The following MEF2C variants were observed in gnomAD, a reference collection of about 807,000 sequenced individuals.
MEF2C encodes myocyte enhancer factor 2C, also known as myocyte-specific enhancer factor 2C.
A neutral mutation model predicts 50.5 loss-of-function variants in MEF2C; 6 were observed. The observed-to-expected ratio is 0.12, with a 90% CI of 0.07 to 0.23. The LOEUF is 0.23. Among genes scored for constraint, MEF2C ranks in the 10% least tolerant of loss-of-function variants. The pLI is 1.00. For missense variants in MEF2C, 276 were observed against 605.0 expected, an observed-to-expected ratio of 0.46 and a Z score of 5.70; for synonymous variants, 183 against 228.0, an observed-to-expected ratio of 0.80 and a Z score of 1.78.
At chr5:88,766,546 C>T (rs1780146565) in intron 3 of MEF2C, 1 of 710,544 alleles carries the variant, frequency 1.4e-6, no homozygotes, top group African/African-American at 1.9e-5. Flanking sequence ...AGAGAACCAC[C>T]ATCACAGACT....
rs541292745 is a variant in MEF2C, at chr5:88,793,503, G to A, written c.258+11095C>T. ...GGCATTTCATAGCATATAACACAGA[G>A]CAGGAATTCAACAAATTTTTGTTCA... On this transcript the variant is annotated intron_variant, in intron 3 of 10. Coordinates refer to ENST00000504921, the MANE Select transcript of MEF2C (RefSeq NM_002397.5). Among the ~76,000 whole-genome samples the A allele has an allele frequency of 2.0e-5, 3 of 152,142 alleles. No individual in the cohort carries two copies. In the East Asian group the frequency reaches 5.8e-4, roughly 29 times the overall value.
At position 88,869,314 on chromosome 5, in the gene MEF2C, T is replaced by C. The variant is rs903485355; in HGVS notation, c.-143+13641A>G. Among the ~76,000 whole-genome samples, 42 of 94,636 alleles carry C rather than the reference T, an allele frequency of 4.4e-4. 1 individual carries two copies. In the South Asian group the frequency reaches 5.0e-3, roughly 11 times the overall value. The allele number at this position is 94,636 out of a possible 152,430, so 62.1% of individuals were successfully genotyped here. ...ATATATACACATATATATATATATA[T>C]ACACATATAGCTTCATTTGTACAAA... is the stretch of plus-strand genomic sequence containing the variant. On this transcript the variant is annotated intron_variant, in intron 1 of 10. Transcript: ENST00000504921.
rs150055694 is a variant in MEF2C, at chr5:88,800,200, A to C, written c.258+4398T>G. On this transcript the variant is annotated intron_variant, in intron 3 of 10. Transcript: ENST00000504921. The stretch of plus-strand genomic sequence containing the variant: ...TCCCATAAGGATTTTGTGGTTACAA[A>C]ACGTGCTGGATATGGAGGTAACCTG... 4.0e-4 allele frequency among the ~76,000 whole-genome samples: 61 copies of C among 152,196 alleles called. No individual in the cohort carries two copies. The East Asian group carries it at 0.011, about 27-fold the overall frequency.
chr5:88,783,468 A>T (rs1249407665), intron 3 of MEF2C, among the ~76,000 whole-genome samples: 1 of 151,986 alleles, frequency 6.6e-6, no homozygotes, highest in Non-Finnish European at 1.5e-5. Context: ...GTCTCTACTA[A>T]AAATACAAAA....
intron 1 of MEF2C, chr5:88,839,128 A>G (rs1229616732): frequency 1.3e-5 from 2 of 152,184 alleles, no homozygotes; most frequent in Non-Finnish European, 2.9e-5. Context: ...ATGAGGAAGT[A>G]ATCGTGTGTG....
intron 3 of MEF2C, among the ~76,000 whole-genome samples, chr5:88,778,042 C>A (rs1191232193): frequency 1.3e-5 from 2 of 151,274 alleles, no homozygotes; most frequent in African/African-American, 4.9e-5. Context: ...GTAGCTGGGA[C>A]TACAGATGCC....
Position 88,813,698 on chromosome 5 carries a change from C to T in MEF2C, c.55-8897G>A, listed in dbSNP as rs577972835. On this transcript the variant is annotated intron_variant, in intron 2 of 10. Coordinates refer to ENST00000504921, the MANE Select transcript of MEF2C (RefSeq NM_002397.5). ...GTCCCAAATACTTCTTTCCACCAAA[C>T]ACAATATTTTTAGCCTAATCTTAAT... Among the ~76,000 whole-genome samples, 40 of 152,202 alleles carry T rather than the reference C, an allele frequency of 2.6e-4. No homozygotes were observed. In the South Asian group the frequency reaches 8.3e-3, roughly 32 times the overall value.
At chr5:88,831,920 G>A (rs1419134188) in intron 1 of MEF2C, among the ~76,000 whole-genome samples, 1 of 152,094 alleles carries the variant, frequency 6.6e-6, no homozygotes, top group East Asian at 1.9e-4. Context: ...ATCATTAAAT[G>A]ATCCCAACTG....
intron 1 of MEF2C, among the ~76,000 whole-genome samples, chr5:88,847,987 G>C (rs1441988228): frequency 6.6e-6 from 1 of 152,038 alleles, no homozygotes; most frequent in Non-Finnish European, 1.5e-5. Flanking sequence ...CACTTATAAA[G>C]TACATAACTA....
chr5:88,843,805 CTT>C (rs35382083), intron 1 of MEF2C, among the ~76,000 whole-genome samples: 95 of 129,840 alleles, frequency 7.3e-4, no homozygotes, highest in African/African-American at 1.0e-3. Flanking sequence ...TCCTGTGAAA[CTT>C]TTTTTTTTTT....
At chr5:88,873,671 TACTC>T (rs1276421039) in intron 1 of MEF2C, among the ~76,000 whole-genome samples, 1 of 149,092 alleles carries the variant, frequency 6.7e-6, no homozygotes, top group Non-Finnish European at 1.5e-5. Flanking sequence ...CTGAGTATCT[TACTC>T]AGCCTTCTGC....
chr5:88,855,075 C>T (rs1332127185), intron 1 of MEF2C, among the ~76,000 whole-genome samples: 3 of 152,156 alleles, frequency 2.0e-5, no homozygotes, highest in Non-Finnish European at 4.4e-5. Flanking sequence ...TGCTGGACCC[C>T]GTGCTGTCCT....
At chr5:88,863,581 T>C (rs1255402994) in intron 1 of MEF2C, among the ~76,000 whole-genome samples, 2 of 152,208 alleles carry the variant, frequency 1.3e-5, no homozygotes, top group Non-Finnish European at 2.9e-5. Context: ...CCAGAACTTA[T>C]TCCTCCTCCT....
At chr5:88,876,702 G>T (rs953776089) in intron 1 of MEF2C, among the ~76,000 whole-genome samples, 1 of 151,882 alleles carries the variant, frequency 6.6e-6, no homozygotes, top group Non-Finnish European at 1.5e-5. Context: ...CTTCTAACTT[G>T]CTGAAAGAAT....
intron 1 of MEF2C, among the ~76,000 whole-genome samples, chr5:88,863,828 T>TC (rs1826329217): frequency 1.3e-5 from 2 of 151,382 alleles, no homozygotes; most frequent in East Asian, 1.9e-4. Context: ...CTTTTTCTTT[T>TC]TTTTTTTTTT....
rs1460088309 is a variant in MEF2C at position 88,720,550 on chromosome 5, A to G, written c.*2054T>C. Reference sequence around the variant, plus strand: ...TATGCAAGTAAAAGAGAAAAAATGGATAAGAAATGTCCTACACATGATATA... The same window carrying G: ...TATGCAAGTAAAAGAGAAAAAATGGGTAAGAAATGTCCTACACATGATATA... On this transcript the variant is annotated 3_prime_UTR_variant, in exon 11 of 11. Coordinates refer to ENST00000504921, the MANE Select transcript of MEF2C (RefSeq NM_002397.5). 6.6e-6 allele frequency: 1 copy of G among 152,594 alleles called. No homozygotes were observed. Among genetic ancestry groups the G allele is most frequent in the Non-Finnish European group, 1.5e-5 (1 of 68,020 alleles). 9.5% of individuals were successfully genotyped at this position (152,594 alleles called of 1,614,324 possible).
At chr5:88,810,262 A>G (rs1269476404) in intron 2 of MEF2C, among the ~76,000 whole-genome samples, 1 of 152,170 alleles carries the variant, frequency 6.6e-6, no homozygotes, top group Non-Finnish European at 1.5e-5. Context: ...TATTAGTGAC[A>G]CAAATCTTAA....
intron 1 of MEF2C, among the ~76,000 whole-genome samples, chr5:88,862,784 G>A (rs540056520): frequency 6.6e-6 from 1 of 152,290 alleles, no homozygotes; most frequent in East Asian, 1.9e-4. Flanking sequence ...GGGCGCTGAG[G>A]AGGAGTATGT....
chr5:88,884,239 T>G (rs150306782), upstream of MEF2C: 2 of 152,330 alleles, frequency 1.3e-5, no homozygotes, highest in Admixed American at 1.3e-4. Flanking sequence ...AGCGCGACCC[T>G]AATAGTTGCT....
Sources: allele counts gnomAD v4.1 joint callset (sites outside exome capture counted in the v4.1 genomes callset), GRCh38; gene constraint gnomAD v4.1.1; transcripts MANE v1.5; gene names NCBI Gene and HGNC (gene_info 2026-07-23, HGNC 2026-07-21).